The following AP1G1 variants were observed in gnomAD, a reference collection of about 807,000 sequenced individuals.
The protein encoded by AP1G1 is AP-1 complex subunit gamma-1.
AP1G1 carries 7 observed loss-of-function variants against 108.3 expected under a neutral mutation model. The observed-to-expected ratio is 0.06, with a 90% CI of 0.04 to 0.12. AP1G1 has a LOEUF of 0.12. Ranked by LOEUF, AP1G1 falls within the 10% of genes least tolerant of loss-of-function variation. The probability of loss-of-function intolerance (pLI) is 1.00; values close to 1 mark genes in which losing one functional copy is unlikely to be tolerated. For synonymous variants in AP1G1, 379 were observed against 353.5 expected, an observed-to-expected ratio of 1.07 and a Z score of -0.81; for missense variants, 756 against 1,010.7, an observed-to-expected ratio of 0.75 and a Z score of 3.42.
chr16:71,765,072 G>A (rs1353331192), intron 7 of AP1G1, among the ~76,000 whole-genome samples: 1 of 152,212 alleles, frequency 6.6e-6, no homozygotes, highest in South Asian at 2.1e-4. Flanking sequence ...GGGGCACAGT[G>A]GCTCTTGCCT....
chr16:71,767,990 A>G, intron 6 of AP1G1: 1 of 1,320,046 alleles, frequency 7.6e-7, no homozygotes, highest in Non-Finnish European at 1.1e-6. Context: ...TTTAATCAAG[A>G]CATGAACATC....
chr16:71,774,387 G>T, intron 3 of AP1G1, 81 bp downstream of exon 3: 1 of 1,504,436 alleles, frequency 6.6e-7, no homozygotes, highest in South Asian at 1.2e-5. Flanking sequence ...CTGGGCAAAA[G>T]AGCAAGACTC....
At chr16:71,784,429 A>G (rs2032129375) in intron 2 of AP1G1, among the ~76,000 whole-genome samples, 1 of 152,092 alleles carries the variant, frequency 6.6e-6, no homozygotes, top group Admixed American at 6.6e-5. Flanking sequence ...CAGCAACTAC[A>G]CTGGCCTTAT....
In AP1G1 at chr16:71,736,459, C is replaced by T. The variant is rs1482150535; in HGVS notation, c.2269-1752G>A. On this transcript the variant is annotated intron_variant, in intron 21 of 22. Transcript: ENST00000299980. ...GCAGTGGTGCGATCTCGGCTCACTG[C>T]AAGCTCCATCTCCCAGGTTCATGCC... Among the ~76,000 whole-genome samples, 6 of 150,748 alleles carry T rather than the reference C, an allele frequency of 4.0e-5. No individual in the cohort carries two copies. In the East Asian group the frequency reaches 9.7e-4, roughly 24 times the overall value.
chr16:71,787,751 T>C (rs2032259596), intron 2 of AP1G1, among the ~76,000 whole-genome samples: 1 of 152,188 alleles, frequency 6.6e-6, no homozygotes, highest in Non-Finnish European at 1.5e-5. Flanking sequence ...TGGATCAATT[T>C]TTGATGTGGT....
chr16:71,790,125 G>T, intron 1 of AP1G1, among the ~76,000 whole-genome samples: 1 of 150,658 alleles, frequency 6.6e-6, no homozygotes, highest in Admixed American at 6.6e-5. Flanking sequence ...GTTAATAAGG[G>T]ACATATAACA....
chr16:71,794,835 C>CTTTTTTTGTTTTTTTTTTTTT (rs2032523886), intron 1 of AP1G1, among the ~76,000 whole-genome samples: 1 of 39,632 alleles, frequency 2.5e-5, no homozygotes, highest in African/African-American at 1.0e-4. Flanking sequence ...ATGAGAAGTG[C>CTTTTTTTGTTTTTTTTTTTTT]TTTTTTTTTT....
intron 19 of AP1G1, among the ~76,000 whole-genome samples, chr16:71,741,984 AC>A (rs1159737119): frequency 6.6e-6 from 1 of 152,238 alleles, no homozygotes; most frequent in Non-Finnish European, 1.5e-5. Flanking sequence ...CTGAATTTCT[AC>A]TGACTTAAAT....
At chr16:71,793,780 G>T (rs892799686) in intron 1 of AP1G1, among the ~76,000 whole-genome samples, 1 of 152,116 alleles carries the variant, frequency 6.6e-6, no homozygotes, top group Non-Finnish European at 1.5e-5. Context: ...TGCCTCCTTG[G>T]CTCACTGCAA....
At chr16:71,735,263 G>A (rs894138345) in intron 21 of AP1G1, among the ~76,000 whole-genome samples, 6 of 152,152 alleles carry the variant, frequency 3.9e-5, no homozygotes, top group Non-Finnish European at 4.4e-5. Context: ...CAGAAGGAAC[G>A]GAAAGACTTG....
At position 71,785,881 on chromosome 16, in the gene AP1G1, C is replaced by T. The variant is rs572165687; in HGVS notation, c.201+3398G>A. ...TGGGCAACAGGGCGAGACTCCATCT[C>T]AAAGAAAAAAAAAAGTGGCTATTAT... is the stretch of plus-strand genomic sequence containing the variant. On this transcript the variant is annotated intron_variant, in intron 2 of 22. Transcript: ENST00000299980. 3.3e-5 allele frequency among the ~76,000 whole-genome samples: 5 copies of T among 149,358 alleles called. No homozygotes were observed. In the South Asian group the frequency reaches 1.1e-3, roughly 32 times the overall value.
chr16:71,781,376 G>C (rs906999346), intron 2 of AP1G1, among the ~76,000 whole-genome samples: 6 of 152,042 alleles, frequency 3.9e-5, no homozygotes, highest in Admixed American at 1.3e-4. Context: ...TAAAAATCAC[G>C]TAACTGTCAC....
Position 71,733,040 on chromosome 16 carries a change from G to A in AP1G1, c.*18C>T, listed in dbSNP as rs2045489190. 1 of 1,594,856 alleles carries A rather than the reference G, an allele frequency of 6.3e-7. No individual in the cohort carries two copies. The highest frequency in any genetic ancestry group is 2.2e-5 in the East Asian group (1 of 44,778). ...CCTTTGATTGAGTGGGATAAAGAAT[G>A]AGAATGGTGCCAAACCCTCATTGCC... On this transcript the variant is annotated 3_prime_UTR_variant, in exon 23 of 23. Transcript: ENST00000299980.
At chr16:71,748,697 T>C (rs766765699) in intron 15 of AP1G1, among the ~76,000 whole-genome samples, 2 of 152,114 alleles carry the variant, frequency 1.3e-5, no homozygotes, top group Non-Finnish European at 1.5e-5. Context: ...CATACAGAGT[T>C]CAAGTGTTGT....
chr16:71,806,647 A>T lies in AP1G1; in HGVS notation c.-4+2116T>A, dbSNP rs1465715635. ...CCTTACTTGAAAAGTCTAAGTCAGA[A>T]ATGGAACATTTCAGTAGTAACTGCG... On this transcript the variant is annotated intron_variant, in intron 1 of 22. Transcript: ENST00000299980. 3.2e-6 allele frequency: 4 copies of T among 1,242,966 alleles called. No individual in the cohort carries two copies. In the East Asian group the frequency reaches 2.3e-4, roughly 70 times the overall value. 77.0% of individuals were successfully genotyped at this position (1,242,966 alleles called of 1,614,324 possible).
chr16:71,794,555 A>C (rs1771067426), intron 1 of AP1G1, among the ~76,000 whole-genome samples: 2 of 152,158 alleles, frequency 1.3e-5, no homozygotes, highest in South Asian at 4.1e-4. Context: ...GAAACATAAA[A>C]TTCATTTTAG....
intron 9 of AP1G1, among the ~76,000 whole-genome samples, chr16:71,762,315 AC>A (rs1288208837): frequency 6.6e-6 from 1 of 152,216 alleles, no homozygotes; most frequent in African/African-American, 2.4e-5. Flanking sequence ...ATGGTGAAAT[AC>A]ATATGTGGTT....
At chr16:71,787,309 A>C (rs2032238337) in intron 2 of AP1G1, among the ~76,000 whole-genome samples, 1 of 113,150 alleles carries the variant, frequency 8.8e-6, no homozygotes. Context: ...ACACAGCGAG[A>C]CTCTGTCTCA....
At chr16:71,760,370 C>T (rs1031623522) in intron 10 of AP1G1, among the ~76,000 whole-genome samples, 5 of 151,738 alleles carry the variant, frequency 3.3e-5, no homozygotes, top group African/African-American at 9.7e-5. Context: ...TGGTGAAACC[C>T]CGTCTCTACT....
Sources: gnomAD v4.1 joint callset for allele counts (sites outside exome capture counted in the v4.1 genomes callset) on GRCh38, gnomAD v4.1.1 for gene constraint, MANE v1.5 for transcripts, NCBI Gene and HGNC (gene_info 2026-07-23, HGNC 2026-07-21) for gene names.